The following SLC38A9 variants were observed in gnomAD, a reference collection of about 807,000 sequenced individuals.
SLC38A9 encodes solute carrier family 38 member 9.
In SLC38A9, 48 loss-of-function variants were observed where a neutral mutation model predicts 62.3. The observed-to-expected ratio is 0.77, with a 90% CI of 0.61 to 0.98. The LOEUF (loss-of-function observed/expected upper bound fraction) is 0.98, where lower values mean the gene tolerates loss of function less well. SLC38A9 is among the 50% of genes least tolerant of loss of function. The pLI is 0.00. For synonymous variants in SLC38A9, 204 were observed against 227.7 expected, an observed-to-expected ratio of 0.90 and a Z score of 0.94; for missense variants, 541 against 679.8, an observed-to-expected ratio of 0.80 and a Z score of 2.27.
At chr5:55,626,803 A>G (rs1485504080) in intron 15 of SLC38A9, 144 bp from the exon 16 acceptor site, 14 of 677,310 alleles carry the variant, frequency 2.1e-5, no homozygotes, top group Non-Finnish European at 2.5e-5. Flanking sequence ...GACATAAAAC[A>G]TCTGGGTTTA....
intron 3 of SLC38A9, among the ~76,000 whole-genome samples, chr5:55,676,427 C>G (rs1372666990): frequency 6.6e-6 from 1 of 152,190 alleles, no homozygotes; most frequent in Non-Finnish European, 1.5e-5. Flanking sequence ...ATCCTCCTGT[C>G]TTGGCCTCCC....
rs1744250692 is a variant in SLC38A9 at position 55,635,603 on chromosome 5, C to T, written c.1222G>A (p.Gly408Arg). The T allele has an allele frequency of 6.2e-7, 1 of 1,613,752 alleles. No individual in the cohort carries two copies. The highest frequency in any genetic ancestry group is 1.1e-5 in the South Asian group (1 of 91,066). ...MLVTLTYLYIGVLVFASFPSP... is the reference protein window; with the variant it reads ...MLVTLTYLYIRVLVFASFPSP... ...GGAAATGAAGCAAAAACCAGGACTC[C>T]AATATAGAGATAAGTTAATGTCACC... Residue 408 changes from glycine to arginine, a missense_variant, in exon 13 of 16, where the codon GGA (glycine) becomes AGA (arginine). By Grantham distance (125) the Gly-to-Arg change is moderately radical (BLOSUM62 -2). Transcript: ENST00000396865.
chr5:55,700,423 G>T (rs542243036), intron 2 of SLC38A9, among the ~76,000 whole-genome samples: 8 of 151,326 alleles, frequency 5.3e-5, no homozygotes, highest in African/African-American at 1.9e-4. Flanking sequence ...GAAGGTCTTG[G>T]AATTAAAATG....
At chr5:55,652,770 C>T (rs75591705) in intron 9 of SLC38A9, 47 bp from the exon 10 acceptor site, 1 of 1,497,082 alleles carries the variant, frequency 6.7e-7, no homozygotes, top group Non-Finnish European at 9.0e-7. Flanking sequence ...AAAAACAAAA[C>T]AAAACAAAAC....
At chr5:55,652,758 C>T in intron 9 of SLC38A9, 35 bp from the exon 10 acceptor site, 1 of 1,507,706 alleles carries the variant, frequency 6.6e-7, no homozygotes, top group African/African-American at 1.4e-5. Context: ...AAGAAGATGA[C>T]AAAAAACAAA....
Position 55,656,587 on chromosome 5 carries a change from T to C in SLC38A9, c.757+128A>G, listed in dbSNP as rs183543600. 2.0e-5 allele frequency: 13 copies of C among 663,588 alleles called. No individual in the cohort carries two copies. The African/African-American group carries it at 2.4e-4, about 12-fold the overall frequency. The allele number at this position is 663,588 out of a possible 1,614,324, so 41.1% of individuals were successfully genotyped here. On this transcript the variant is annotated intron_variant, in intron 9 of 15. Coordinates refer to ENST00000396865, the MANE Select transcript of SLC38A9 (RefSeq NM_173514.4). ...TTTAAACACACTACCAACAATTTAG[T>C]AGCAGCTCAGTAAACATAATAATTT...
intron 12 of SLC38A9, among the ~76,000 whole-genome samples, chr5:55,638,703 C>T (rs557550150): frequency 1.3e-5 from 2 of 152,252 alleles, no homozygotes; most frequent in South Asian, 2.1e-4. Context: ...AGACTGACCC[C>T]AAACATTTAC....
chr5:55,659,830 G>A (rs1749150861), intron 8 of SLC38A9, among the ~76,000 whole-genome samples: 1 of 151,382 alleles, frequency 6.6e-6, no homozygotes, highest in Admixed American at 6.6e-5. Flanking sequence ...CAGTGGCACG[G>A]TCTCCGCTCA....
At chr5:55,657,401 A>C (rs2150231467) in intron 8 of SLC38A9, among the ~76,000 whole-genome samples, 2 of 152,260 alleles carry the variant, frequency 1.3e-5, no homozygotes, top group East Asian at 3.9e-4. Flanking sequence ...CTCACACTAA[A>C]GTTATATTTC....
chr5:55,656,726 T>C lies in SLC38A9; in HGVS notation c.746A>G (p.Asn249Ser). 2.5e-6 allele frequency: 4 copies of C among 1,598,088 alleles called. No homozygotes were observed. Among genetic ancestry groups the C allele is most frequent in the Non-Finnish European group, 3.4e-6 (4 of 1,166,688 alleles). Residue 249 changes from asparagine to serine, a missense_variant, in exon 9 of 16, where the codon AAT becomes AGT. Physicochemically the swap from Asn to Ser is conservative, Grantham distance 46 (BLOSUM62 1). Transcript: ENST00000396865. ...NDTDTILSTNNSNPVICPSAG... is the reference protein window; with the variant it reads ...NDTDTILSTNSSNPVICPSAG... ...CCCAAACTACTTACCAGGGTTGCTA[T>C]TATTGGTACTCAGTATAGTGTCTGT...
rs1742403001 is a variant in SLC38A9 at position 55,626,339 on chromosome 5, A to G, written c.*155T>C. On this transcript the variant is annotated 3_prime_UTR_variant, in exon 16 of 16. Transcript: ENST00000396865. Reference sequence around the variant, plus strand: ...CCCCTTTCCCCACCCCAATAAAAAAATACTCATTAAGGGGCCACTATTTCC... The same window carrying G: ...CCCCTTTCCCCACCCCAATAAAAAAGTACTCATTAAGGGGCCACTATTTCC... The G allele has an allele frequency of 1.6e-6, 1 of 644,794 alleles. No homozygotes were observed. 39.9% of individuals were successfully genotyped at this position (644,794 alleles called of 1,614,324 possible).
intron 8 of SLC38A9, among the ~76,000 whole-genome samples, chr5:55,657,111 T>A (rs1725622744): frequency 6.6e-6 from 1 of 152,156 alleles, no homozygotes; most frequent in African/African-American, 2.4e-5. Flanking sequence ...TCCACCCACC[T>A]CGGCCTCCCA....
intron 12 of SLC38A9, among the ~76,000 whole-genome samples, chr5:55,644,893 G>A (rs1227502796): frequency 2.0e-5 from 3 of 148,188 alleles, no homozygotes; most frequent in Admixed American, 6.7e-5. Context: ...ACAGTCCCCA[G>A]AGTGTGATGT....
chr5:55,707,843 C>A (rs975558667), intron 2 of SLC38A9, among the ~76,000 whole-genome samples: 1 of 152,068 alleles, frequency 6.6e-6, no homozygotes, highest in Non-Finnish European at 1.5e-5. Flanking sequence ...AAGGCAGAAC[C>A]CTTATGAATG....
intron 12 of SLC38A9, among the ~76,000 whole-genome samples, chr5:55,635,925 T>C (rs951629373): frequency 6.6e-6 from 1 of 152,194 alleles, no homozygotes; most frequent in Non-Finnish European, 1.5e-5. Context: ...GTTAACATAG[T>C]GGTTTAACAT....
intron 2 of SLC38A9, among the ~76,000 whole-genome samples, chr5:55,700,609 G>C (rs1276578521): frequency 6.6e-6 from 1 of 152,050 alleles, no homozygotes; most frequent in Admixed American, 6.6e-5. Context: ...AAATAGGTGG[G>C]AAAAAATAGA....
intron 12 of SLC38A9, among the ~76,000 whole-genome samples, chr5:55,643,054 G>C (rs1004481271): frequency 2.6e-5 from 4 of 152,100 alleles, no homozygotes; most frequent in Non-Finnish European, 1.5e-5. Context: ...TTGTTTACAA[G>C]GTCAGAAGCT....
intron 2 of SLC38A9, among the ~76,000 whole-genome samples, chr5:55,698,919 G>A (rs1249862270): frequency 6.7e-6 from 1 of 150,084 alleles, no homozygotes; most frequent in Non-Finnish European, 1.5e-5. Context: ...CCACCTGGAT[G>A]ATGGAGTGAG....
chr5:55,659,743 G>A (rs1460394338), intron 8 of SLC38A9, among the ~76,000 whole-genome samples: 1 of 151,354 alleles, frequency 6.6e-6, no homozygotes, highest in Non-Finnish European at 1.5e-5. Context: ...AACACAAAGT[G>A]CATCTACAAA....
Sources: gnomAD v4.1 joint callset for allele counts (sites outside exome capture counted in the v4.1 genomes callset) on GRCh38, gnomAD v4.1.1 for gene constraint, MANE v1.5 for transcripts, NCBI Gene and HGNC (gene_info 2026-07-23, HGNC 2026-07-21) for gene names.